Variants in IL12RB2 observed in about 807,000 individuals in gnomAD.
The protein encoded by IL12RB2 is interleukin 12 receptor subunit beta 2, also known as interleukin-12 receptor subunit beta-2.
A neutral mutation model predicts 89.4 loss-of-function variants in IL12RB2; 82 were observed. The observed-to-expected ratio is 0.92, with a 90% CI of 0.77 to 1.10. IL12RB2 has a LOEUF of 1.10. Among genes scored for constraint, IL12RB2 ranks in the 50% least tolerant of loss-of-function variants. IL12RB2 has a pLI of 0.00. For missense variants in IL12RB2, 963 were observed against 1,031.9 expected, an observed-to-expected ratio of 0.93 and a Z score of 0.92; for synonymous variants, 368 against 370.1, an observed-to-expected ratio of 0.99 and a Z score of 0.07.
intron 8 of IL12RB2, among the ~76,000 whole-genome samples, chr1:67,331,646 T>C (rs1445405365): frequency 6.6e-6 from 1 of 152,090 alleles, no homozygotes; most frequent in Non-Finnish European, 1.5e-5. Flanking sequence ...GAGACCAGCC[T>C]GGCCAGCATG....
intron 7 of IL12RB2, among the ~76,000 whole-genome samples, chr1:67,330,367 T>A (rs1359905749): frequency 6.6e-6 from 1 of 152,132 alleles, no homozygotes; most frequent in African/African-American, 2.4e-5. Flanking sequence ...GTAGAAACTT[T>A]GTAGTTTTCA....
At chr1:67,345,513 G>A (rs1660117811) in intron 9 of IL12RB2, among the ~76,000 whole-genome samples, 2 of 152,192 alleles carry the variant, frequency 1.3e-5, no homozygotes, top group South Asian at 4.2e-4. Flanking sequence ...AGTATTATTT[G>A]GGACCTGATT....
At chr1:67,362,008 C>T (rs111641479) in intron 10 of IL12RB2, among the ~76,000 whole-genome samples, 2 of 152,260 alleles carry the variant, frequency 1.3e-5, no homozygotes, top group Non-Finnish European at 2.9e-5. Context: ...CGGTGGCTCA[C>T]GCGTGTAATC....
At chr1:67,346,722 G>T (rs1463648131) in intron 9 of IL12RB2, among the ~76,000 whole-genome samples, 1 of 152,040 alleles carries the variant, frequency 6.6e-6, no homozygotes, top group Non-Finnish European at 1.5e-5. Context: ...TTGGACTGGG[G>T]TTGCAAAAGG....
chr1:67,359,553 CT>C (rs928103057), intron 10 of IL12RB2, among the ~76,000 whole-genome samples: 1 of 152,076 alleles, frequency 6.6e-6, no homozygotes, highest in African/African-American at 2.4e-5. Context: ...GAAACCCTGT[CT>C]CTACTAAATA....
chr1:67,309,852 C>T (rs1395188282), intron 1 of IL12RB2, among the ~76,000 whole-genome samples: 4 of 152,154 alleles, frequency 2.6e-5, no homozygotes, highest in Non-Finnish European at 5.9e-5. Context: ...ATTACGCTCA[C>T]AGCACTGCTG....
At position 67,321,865 on chromosome 1, in the gene IL12RB2, T is replaced by C. The variant is rs371858288; in HGVS notation, c.340T>C (p.Cys114Arg). Reference protein sequence around the residue: ...ACINSDEIQICGAEIFVGVAP... With the variant: ...ACINSDEIQIRGAEIFVGVAP... ...TATCAATAGTGATGAAATTCAAATA[T>C]GTGGAGCAGAGATCTTCGTTGGTGG... The change falls in exon 4 of 17, where the codon TGT becomes CGT. Residue 114 changes from cysteine to arginine, a missense_variant. Cys to Arg is a radical substitution (Grantham distance 180). Coordinates refer to ENST00000674203, the MANE Select transcript of IL12RB2 (RefSeq NM_001374259.2). 6.2e-7 allele frequency: 1 copy of C among 1,614,028 alleles called. No homozygotes were observed. The highest frequency in any genetic ancestry group is 8.5e-7 in the Non-Finnish European group (1 of 1,179,870).
intron 2 of IL12RB2, among the ~76,000 whole-genome samples, chr1:67,316,421 A>AGTGTGTATGTGTGTGT (rs1655768483): frequency 6.8e-6 from 1 of 146,148 alleles, no homozygotes; most frequent in South Asian, 2.3e-4. Flanking sequence ...TCCCCAGAGT[A>AGTGTGTATGTGTGTGT]GTGTGTGTGT....
chr1:67,387,202 T>G (rs1315342250), intron 15 of IL12RB2, among the ~76,000 whole-genome samples: 1 of 150,718 alleles, frequency 6.6e-6, no homozygotes, highest in African/African-American at 2.4e-5. Context: ...AGTGCTGGGA[T>G]TACAGGTATG....
chr1:67,319,278 T>C (rs1331165940), intron 2 of IL12RB2, among the ~76,000 whole-genome samples: 1 of 152,256 alleles, frequency 6.6e-6, no homozygotes, highest in Non-Finnish European at 1.5e-5. Flanking sequence ...GGCCTATCTT[T>C]AATAGAATTT....
intron 4 of IL12RB2, among the ~76,000 whole-genome samples, chr1:67,322,779 G>A (rs1656746488): frequency 6.6e-6 from 1 of 152,230 alleles, no homozygotes; most frequent in Non-Finnish European, 1.5e-5. Flanking sequence ...GCTGCTGGGG[G>A]ATTAGAACTA....
At chr1:67,373,185 G>A (rs1274537019) in intron 13 of IL12RB2, among the ~76,000 whole-genome samples, 1 of 152,168 alleles carries the variant, frequency 6.6e-6, no homozygotes, top group African/African-American at 2.4e-5. Flanking sequence ...ACAGCTCACT[G>A]CAGCCTTGAC....
At position 67,321,897 on chromosome 1, in the gene IL12RB2, T is replaced by C. The variant is rs1656591233; in HGVS notation, c.364+8T>C. On this transcript the variant is annotated splice_region_variant and intron_variant, in intron 4 of 16. Coordinates refer to ENST00000674203, the MANE Select transcript of IL12RB2 (RefSeq NM_001374259.2). ...CAGAGATCTTCGTTGGTGGTGAGCA[T>C]TCCATTTTGAATTTTTAAAACTTGG... is the stretch of plus-strand genomic sequence containing the variant. 2 of 1,611,970 alleles carry C rather than the reference T, an allele frequency of 1.2e-6. No homozygotes were observed. The highest frequency in any genetic ancestry group is 1.7e-6 in the Non-Finnish European group (2 of 1,178,008).
chr1:67,314,894 G>A (rs1376963454), intron 2 of IL12RB2, among the ~76,000 whole-genome samples: 2 of 133,694 alleles, frequency 1.5e-5, no homozygotes, highest in Admixed American at 1.7e-4. Context: ...CACAACTTGA[G>A]TGATGAGTCA....
intron 2 of IL12RB2, among the ~76,000 whole-genome samples, chr1:67,319,207 C>T (rs1386530879): frequency 6.6e-6 from 1 of 152,212 alleles, no homozygotes; most frequent in Non-Finnish European, 1.5e-5. Context: ...TTTTGCTTTG[C>T]ACTGACTACT....
intron 16 of IL12RB2, among the ~76,000 whole-genome samples, 200 bp downstream of exon 16, chr1:67,390,328 G>A (rs752642433): frequency 2.0e-5 from 3 of 151,932 alleles, no homozygotes; most frequent in Admixed American, 6.6e-5. Context: ...ATCTTCTGAA[G>A]TTTATGATCA....
intron 13 of IL12RB2, 88 bp downstream of exon 13, chr1:67,372,871 C>T: frequency 1.2e-6 from 1 of 867,774 alleles, no homozygotes; most frequent in Non-Finnish European, 2.0e-6. Flanking sequence ...CATCTACACA[C>T]ATGTGCTAGC....
chr1:67,329,578 G>A lies in IL12RB2; in HGVS notation c.665-9G>A. ...TGAACCACACTTTTTTGTTTGTCCT[G>A]GTTACTAGTGAGGCCTCTTCCTCCG... On this transcript the variant is annotated splice_polypyrimidine_tract_variant and intron_variant, in intron 6 of 16. Coordinates refer to ENST00000674203, the MANE Select transcript of IL12RB2 (RefSeq NM_001374259.2). The A allele has an allele frequency of 6.4e-7, 1 of 1,554,136 alleles. No homozygotes were observed. Among genetic ancestry groups the A allele is most frequent in the Non-Finnish European group, 8.9e-7 (1 of 1,125,388 alleles).
chr1:67,327,463 T>C lies in IL12RB2; in HGVS notation c.479+614T>C, dbSNP rs17838043. Among the ~76,000 whole-genome samples, 1,419 of 152,232 alleles carry C rather than the reference T, an allele frequency of 9.3e-3. 19 individuals are homozygous for C. The highest frequency in any genetic ancestry group is 0.032 in the African/African-American group (1,339 of 41,528). ...TTATAGCTGTTCTTTCCCACTCTAG[T>C]AGGGTTAAACTGGCTGCATAAGATC... On this transcript the variant is annotated intron_variant, in intron 5 of 16. Transcript: ENST00000674203.
Sources: allele counts gnomAD v4.1 joint callset (sites outside exome capture counted in the v4.1 genomes callset), GRCh38; gene constraint gnomAD v4.1.1; transcripts MANE v1.5; gene names NCBI Gene and HGNC (gene_info 2026-07-23, HGNC 2026-07-21).